DDR2: variants seen among roughly 807,000 people sequenced by gnomAD.
The protein encoded by DDR2 is discoidin domain-containing receptor 2.
DDR2 carries 27 observed loss-of-function variants against 94.9 expected under a neutral mutation model. The ratio of observed to expected loss-of-function variants is 0.28; its 90% CI spans 0.21 to 0.39. DDR2 has a LOEUF of 0.39. Among genes scored for constraint, DDR2 ranks in the 10% least tolerant of loss-of-function variants. The pLI is 1.00. For missense variants in DDR2, 783 were observed against 1,076.0 expected (o/e 0.73, Z 3.81); for synonymous variants, 382 against 377.2 (o/e 1.01, Z -0.15).
chr1:162,635,243 C>G (rs1336487301), intron 1 of DDR2, among the ~76,000 whole-genome samples: 1 of 152,192 alleles, frequency 6.6e-6, no homozygotes, highest in East Asian at 1.9e-4. Context: ...CTATCACACA[C>G]AGTGAATTTA....
chr1:162,675,233 A>G (rs1659071999), intron 2 of DDR2, among the ~76,000 whole-genome samples: 1 of 152,066 alleles, frequency 6.6e-6, no homozygotes, highest in African/African-American at 2.4e-5. Context: ...TCCAGGGATG[A>G]TGCTGGATGG....
intron 3 of DDR2, chr1:162,741,711 G>A: frequency 1.0e-6 from 1 of 985,384 alleles, no homozygotes. Flanking sequence ...CAGTCACAAA[G>A]GGTAAGTGAA....
rs1390598685 is a variant in DDR2 at position 162,674,981 on chromosome 1, C to T, written c.-28+19607C>T. Among the ~76,000 whole-genome samples the T allele has an allele frequency of 2.0e-5, 3 of 151,866 alleles. No homozygotes were observed. The East Asian group carries it at 5.8e-4, about 29-fold the overall frequency. On this transcript the variant is annotated intron_variant, in intron 2 of 17. Transcript: ENST00000367921. ...CCAGCCTGGCCAACATAGGGAAACC[C>T]TGTCTCTACTAAAAGTACAAAAAAA...
intron 2 of DDR2, among the ~76,000 whole-genome samples, chr1:162,674,180 AC>A (rs1659017435): frequency 6.6e-6 from 1 of 152,272 alleles, no homozygotes; most frequent in Admixed American, 6.5e-5. Flanking sequence ...AAATGGCAAA[AC>A]CATCCATTCA....
chr1:162,672,824 TCAGTGAAAGTTAC>T (rs1165109428), intron 2 of DDR2, among the ~76,000 whole-genome samples: 2 of 152,134 alleles, frequency 1.3e-5, no homozygotes, highest in Non-Finnish European at 2.9e-5. Flanking sequence ...CTGACTGATC[TCAGTGAAAGTTAC>T]CAGTGGGCAT....
At chr1:162,682,396 G>A (rs114966786) in intron 2 of DDR2, among the ~76,000 whole-genome samples, 2,322 of 152,316 alleles carry the variant, frequency 0.015, 67 homozygotes, top group African/African-American at 0.053. Flanking sequence ...ATTCATGGCT[G>A]CAAGTACTGT....
intron 2 of DDR2, among the ~76,000 whole-genome samples, chr1:162,698,823 T>A (rs1191123179): frequency 6.6e-6 from 1 of 152,176 alleles, no homozygotes; most frequent in East Asian, 1.9e-4. Flanking sequence ...TTCCCATTGC[T>A]AGCTTTGGAG....
intron 3 of DDR2, among the ~76,000 whole-genome samples, chr1:162,719,715 G>T (rs1344208232): frequency 6.6e-6 from 1 of 152,134 alleles, no homozygotes; most frequent in Non-Finnish European, 1.5e-5. Flanking sequence ...GTAAATAATT[G>T]TATTATTTAT....
intron 2 of DDR2, among the ~76,000 whole-genome samples, chr1:162,676,066 TG>T (rs1339186364): frequency 6.6e-6 from 1 of 152,140 alleles, no homozygotes. Flanking sequence ...GGAATGTACA[TG>T]TGCATATATG....
intron 1 of DDR2, among the ~76,000 whole-genome samples, chr1:162,645,074 G>A (rs2101894792): frequency 6.6e-6 from 1 of 152,220 alleles, no homozygotes; most frequent in Non-Finnish European, 1.5e-5. Flanking sequence ...GGGCCTTATG[G>A]AACAGGCATA....
chr1:162,691,927 G>A (rs1316499842), intron 2 of DDR2, among the ~76,000 whole-genome samples: 2 of 152,206 alleles, frequency 1.3e-5, no homozygotes, highest in African/African-American at 2.4e-5. Context: ...TCTGCGGTGG[G>A]CATATCCACA....
intron 3 of DDR2, among the ~76,000 whole-genome samples, chr1:162,742,940 C>T (rs1045821909): frequency 2.0e-4 from 31 of 152,224 alleles, no homozygotes; most frequent in Admixed American, 7.8e-4. Flanking sequence ...ACGGGAAAGA[C>T]GGGCAGGCCC....
intron 9 of DDR2, among the ~76,000 whole-genome samples, chr1:162,762,815 C>T (rs919326802): frequency 1.3e-5 from 2 of 151,946 alleles, no homozygotes; most frequent in African/African-American, 4.8e-5. Flanking sequence ...AATGCTTAAT[C>T]GATTGCAGTT....
Position 162,755,201 on chromosome 1 carries a change from T to C in DDR2, c.463T>C (p.Leu155=). ...CCCCTATGACATTTTCCTAAAGGAC[T>C]TGGAGCCGCCCATTGTAGCCAGATT... The part of the protein sequence containing the change: ...SNPYDIFLKD[L]EPPIVARFVR... Residue 155 remains leucine, a synonymous_variant, in exon 6 of 18, where the codon TTG becomes CTG. Transcript: ENST00000367921. 6.2e-7 allele frequency: 1 copy of C among 1,614,134 alleles called. No homozygotes were observed. Among genetic ancestry groups the C allele is most frequent in the Non-Finnish European group, 8.5e-7 (1 of 1,179,996 alleles).
intron 2 of DDR2, among the ~76,000 whole-genome samples, chr1:162,696,808 C>T (rs1660214517): frequency 6.6e-6 from 1 of 152,184 alleles, no homozygotes; most frequent in Non-Finnish European, 1.5e-5. Flanking sequence ...CCTGCCCCCG[C>T]TGTCTGCCCA....
In DDR2 at chr1:162,722,586, A is replaced by T. The variant is rs567533562; in HGVS notation, c.82+3441A>T. On this transcript the variant is annotated intron_variant, in intron 3 of 17. Coordinates refer to ENST00000367921, the MANE Select transcript of DDR2 (RefSeq NM_006182.4). ...TCCCAATAATTTCTGAAAATCATTT[A>T]TACAAATCAACAGATGATTGGAATG... Among the ~76,000 whole-genome samples the T allele has an allele frequency of 1.6e-4, 24 of 152,358 alleles. No individual in the cohort carries two copies. The South Asian group carries it at 5.0e-3, about 32-fold the overall frequency.
At chr1:162,688,082 A>G (rs562817331) in intron 2 of DDR2, among the ~76,000 whole-genome samples, 1 of 152,320 alleles carries the variant, frequency 6.6e-6, no homozygotes, top group East Asian at 1.9e-4. Flanking sequence ...AAAGGATGAG[A>G]GCAGTTGAAA....
chr1:162,722,845 T>C (rs1343231826), intron 3 of DDR2, among the ~76,000 whole-genome samples: 2 of 152,192 alleles, frequency 1.3e-5, no homozygotes, highest in African/African-American at 4.8e-5. Context: ...ATTTTTATGA[T>C]GTGAGAACTT....
chr1:162,782,706 T>A lies in DDR2; in HGVS notation c.*2460T>A, dbSNP rs1023263933. On this transcript the variant is annotated 3_prime_UTR_variant, in exon 18 of 18. Transcript: ENST00000367921. ...CTCTCCACTTATTCTTTTTTATGAT[T>A]CTGCACCAGTTCACTGGGTTATTCT... The A allele has an allele frequency of 6.6e-6, 1 of 152,184 alleles. No individual in the cohort carries two copies. The highest frequency in any genetic ancestry group is 1.5e-5 in the Non-Finnish European group (1 of 68,026). The allele number at this position is 152,184 out of a possible 1,614,324, so 9.4% of individuals were successfully genotyped here.
Sources: gnomAD v4.1 joint callset for allele counts (sites outside exome capture counted in the v4.1 genomes callset) on GRCh38, gnomAD v4.1.1 for gene constraint, MANE v1.5 for transcripts, NCBI Gene and HGNC (gene_info 2026-07-23, HGNC 2026-07-21) for gene names.